The following GPHN variants were observed in gnomAD, a reference collection of about 807,000 sequenced individuals.
The protein encoded by GPHN is gephyrin.
A neutral mutation model predicts 95.5 loss-of-function variants in GPHN; 17 were observed. The observed-to-expected ratio is 0.18, with a 90% CI of 0.12 to 0.27. The LOEUF is 0.27. Ranked by LOEUF, GPHN falls within the 10% of genes least tolerant of loss-of-function variation. The pLI is 1.00. For synonymous variants in GPHN, 320 were observed against 322.5 expected (o/e 0.99, Z 0.08); for missense variants, 660 against 978.1 (o/e 0.67, Z 4.34).
intron 1 of GPHN, among the ~76,000 whole-genome samples, chr14:66,606,472 C>G (rs2062541552): frequency 6.6e-6 from 1 of 151,972 alleles, no homozygotes; most frequent in South Asian, 2.1e-4. Flanking sequence ...TGCTTTTGTT[C>G]CATGTGAATA....
chr14:66,835,145 T>C (rs2061742154), intron 4 of GPHN, among the ~76,000 whole-genome samples: 1 of 151,386 alleles, frequency 6.6e-6, no homozygotes, highest in Non-Finnish European at 1.5e-5. Context: ...TTCTTCTCTC[T>C]TTTTTTCTTT....
At chr14:67,485,337 T>TA in the GPHN span, among the ~76,000 whole-genome samples, 1 of 152,154 alleles carries the variant, frequency 6.6e-6, no homozygotes, top group Non-Finnish European at 1.5e-5. Context: ...AGAACACACT[T>TA]CCTGAGAAAC....
the GPHN span, among the ~76,000 whole-genome samples, chr14:67,265,824 T>C: frequency 6.9e-6 from 1 of 143,966 alleles, no homozygotes; most frequent in East Asian, 2.0e-4. Flanking sequence ...GCCACTGCAC[T>C]CCAGCCTGGG....
chr14:67,566,087 C>T, the GPHN span, among the ~76,000 whole-genome samples: 4 of 152,230 alleles, frequency 2.6e-5, no homozygotes, highest in Non-Finnish European at 5.9e-5. Context: ...CCACTGCACT[C>T]CAGCCTGGGC....
chr14:66,521,973 G>A (rs965152842), intron 1 of GPHN, among the ~76,000 whole-genome samples: 1 of 152,012 alleles, frequency 6.6e-6, no homozygotes, highest in African/African-American at 2.4e-5. Flanking sequence ...TGAGAATGTA[G>A]TTCATTATAT....
chr14:66,680,055 A>G (rs1269575298), intron 1 of GPHN, among the ~76,000 whole-genome samples: 1 of 152,184 alleles, frequency 6.6e-6, no homozygotes, highest in Non-Finnish European at 1.5e-5. Context: ...ATCAAGTGCT[A>G]ATCACCTCAA....
chr14:66,870,483 G>C (rs914029721), intron 4 of GPHN, among the ~76,000 whole-genome samples: 6 of 152,074 alleles, frequency 3.9e-5, no homozygotes, highest in African/African-American at 1.4e-4. Context: ...CTGTATTTTC[G>C]ATCCTCAGTT....
At chr14:67,685,010 C>T in the GPHN span, 12 of 1,601,838 alleles carry the variant, frequency 7.5e-6, no homozygotes, top group African/African-American at 1.3e-5. Flanking sequence ...AGATAACATT[C>T]ATACCTGAAA....
chr14:67,074,022 T>C (rs1394127018), intron 11 of GPHN, among the ~76,000 whole-genome samples: 1 of 152,172 alleles, frequency 6.6e-6, no homozygotes, highest in Non-Finnish European at 1.5e-5. Flanking sequence ...AAGTTTTGTC[T>C]AGTTGGTCTT....
the GPHN span, among the ~76,000 whole-genome samples, chr14:67,433,082 C>T: frequency 3.9e-5 from 6 of 152,146 alleles, 1 homozygote; most frequent in Admixed American, 3.9e-4. Flanking sequence ...AGGGAGGGCA[C>T]TTTTAGAACA....
chr14:66,721,734 T>C (rs778384190), intron 2 of GPHN, among the ~76,000 whole-genome samples: 1 of 152,094 alleles, frequency 6.6e-6, no homozygotes, highest in Non-Finnish European at 1.5e-5. Context: ...GCGAATCACC[T>C]GAGGTCAGGA....
chr14:66,774,396 A>G (rs2059305878), intron 2 of GPHN, among the ~76,000 whole-genome samples: 1 of 152,210 alleles, frequency 6.6e-6, no homozygotes, highest in East Asian at 1.9e-4. Context: ...AAATAAGAAA[A>G]TAATTTGAAT....
intron 9 of GPHN, among the ~76,000 whole-genome samples, chr14:66,973,076 T>C (rs937475949): frequency 6.6e-6 from 1 of 152,186 alleles, no homozygotes; most frequent in Non-Finnish European, 1.5e-5. Context: ...TAAAATCAAA[T>C]GAGCAAACTG....
chr14:67,594,466 G>A, the GPHN span, among the ~76,000 whole-genome samples: 93 of 152,018 alleles, frequency 6.1e-4, no homozygotes, highest in Admixed American at 6.1e-3. Context: ...GGCCAACATG[G>A]TGAAACCCCA....
At chr14:67,321,097 A>G in the GPHN span, 1 of 1,614,152 alleles carries the variant, frequency 6.2e-7, no homozygotes. Flanking sequence ...TAGCCGGTAG[A>G]GATTACCACT....
At chr14:66,515,587 C>T (rs1019639084) in intron 1 of GPHN, among the ~76,000 whole-genome samples, 3 of 152,114 alleles carry the variant, frequency 2.0e-5, no homozygotes, top group African/African-American at 7.2e-5. Flanking sequence ...TCTGAAAATG[C>T]TGTTAATGTT....
At chr14:66,700,468 T>G (rs1480531299) in intron 2 of GPHN, among the ~76,000 whole-genome samples, 1 of 152,196 alleles carries the variant, frequency 6.6e-6, no homozygotes, top group African/African-American at 2.4e-5. Context: ...TGAATTTATT[T>G]CTCCCTTATG....
the GPHN span, among the ~76,000 whole-genome samples, chr14:67,214,750 C>T: frequency 3.9e-5 from 6 of 152,178 alleles, no homozygotes; most frequent in South Asian, 8.3e-4. Flanking sequence ...TATAAATTAC[C>T]TTGGGCAGTG....
At chr14:66,545,804 G>A (rs2059562110) in intron 1 of GPHN, among the ~76,000 whole-genome samples, 3 of 149,742 alleles carry the variant, frequency 2.0e-5, no homozygotes, top group African/African-American at 7.4e-5. Flanking sequence ...TTCCCAGTAG[G>A]GGCGGCTGGG....
Sources: allele counts gnomAD v4.1 joint callset (sites outside exome capture counted in the v4.1 genomes callset), GRCh38; gene constraint gnomAD v4.1.1; transcripts MANE v1.5; gene names NCBI Gene and HGNC (gene_info 2026-07-23, HGNC 2026-07-21).